ATL2: variants seen among roughly 807,000 people sequenced by gnomAD.
ATL2 encodes the protein atlastin-2.
In ATL2, 31 loss-of-function variants were observed where a neutral mutation model predicts 73.9. That is an observed-to-expected ratio of 0.42 (90% CI 0.32 to 0.57). The LOEUF (loss-of-function observed/expected upper bound fraction) is 0.57, where lower values mean the gene tolerates loss of function less well. Among genes scored for constraint, ATL2 ranks in the 20% least tolerant of loss-of-function variants. ATL2 has a pLI of 0.14. For synonymous variants in ATL2, 291 were observed against 237.5 expected (o/e 1.23, Z -2.07); for missense variants, 738 against 702.6 (o/e 1.05, Z -0.57).
intron 9 of ATL2, among the ~76,000 whole-genome samples, chr2:38,308,368 C>T (rs945309290): frequency 1.3e-5 from 2 of 152,186 alleles, no homozygotes; most frequent in African/African-American, 4.8e-5. Flanking sequence ...ACAAACTTCA[C>T]ATGTTCTCAC....
Position 38,348,768 on chromosome 2 carries a change from A to G in ATL2, c.119-5256T>C, listed in dbSNP as rs1459595727. Among the ~76,000 whole-genome samples, 14 of 152,014 alleles carry G rather than the reference A, an allele frequency of 9.2e-5. No homozygotes were observed. In the East Asian group the frequency reaches 2.7e-3, roughly 29 times the overall value. ...AAATGGGAGAAAATTTTCGCAACCT[A>G]CTCATCTGACAAAGGGCTAATATCC... On this transcript the variant is annotated intron_variant, in intron 1 of 12. Coordinates refer to ENST00000378954, the MANE Select transcript of ATL2 (RefSeq NM_001135673.4).
In ATL2 at chr2:38,296,565, G is replaced by A. The variant is rs1666905124; in HGVS notation, c.1633-452C>T. The A allele has an allele frequency of 1.9e-6, 3 of 1,614,050 alleles. No homozygotes were observed. The Admixed American group carries it at 5.0e-5, about 27-fold the overall frequency. Reference sequence around the variant, plus strand: ...AGCACGGTGAACCATTCGACGTCTAGTAACTTCAAACAGTTTGGAAAACAC... The same window carrying A: ...AGCACGGTGAACCATTCGACGTCTAATAACTTCAAACAGTTTGGAAAACAC... On this transcript the variant is annotated intron_variant, in intron 12 of 12. Transcript: ENST00000378954.
upstream of ATL2, chr2:38,377,334 G>A: frequency 7.3e-7 from 1 of 1,370,876 alleles, no homozygotes; most frequent in South Asian, 1.4e-5. Flanking sequence ...CCGGGAGCCG[G>A]CGGGGTGGCC....
chr2:38,349,223 C>T (rs570548092), intron 1 of ATL2, among the ~76,000 whole-genome samples: 6 of 152,140 alleles, frequency 3.9e-5, no homozygotes, highest in African/African-American at 7.2e-5. Flanking sequence ...CACATGCACA[C>T]GTATGTTCGT....
In ATL2 at chr2:38,294,404, C is replaced by T. The variant is rs529863138; in HGVS notation, c.*1590G>A. ...TCTACTTAAAATAGAAAACATTAGCCGGGAATGGTGGCACGCACCTGTAGT... is the reference window on the plus strand; with the variant it reads ...TCTACTTAAAATAGAAAACATTAGCTGGGAATGGTGGCACGCACCTGTAGT... On this transcript the variant is annotated 3_prime_UTR_variant, in exon 13 of 13. Transcript: ENST00000378954. Among the ~76,000 whole-genome samples, 19 of 152,222 alleles carry T rather than the reference C, an allele frequency of 1.2e-4. No individual in the cohort carries two copies. Among genetic ancestry groups the T allele is most frequent in the Admixed American group, 2.6e-4 (4 of 15,296 alleles).
Position 38,295,980 on chromosome 2 carries a change from G to C in ATL2, c.*14C>G. 6.6e-7 allele frequency: 1 copy of C among 1,524,248 alleles called. No individual in the cohort carries two copies. The highest frequency in any genetic ancestry group is 8.9e-7 in the Non-Finnish European group (1 of 1,125,024). 94.4% of individuals were successfully genotyped at this position (1,524,248 alleles called of 1,614,324 possible). ...GAAAAAAAAAGAGAGTGGAGTCCGT[G>C]AGGAGATGAACTGTCAGTCTGTCTT... On this transcript the variant is annotated 3_prime_UTR_variant, in exon 13 of 13. Transcript: ENST00000378954.
At chr2:38,333,273 A>C (rs1669108695) in intron 2 of ATL2, among the ~76,000 whole-genome samples, 1 of 152,206 alleles carries the variant, frequency 6.6e-6, no homozygotes, top group Admixed American at 6.5e-5. Context: ...TGGGCAACAG[A>C]GCGAGACGAT....
At chr2:38,357,253 A>T (rs2124455716) in intron 1 of ATL2, among the ~76,000 whole-genome samples, 1 of 152,196 alleles carries the variant, frequency 6.6e-6, no homozygotes, top group South Asian at 2.1e-4. Flanking sequence ...ACTTGAACCC[A>T]GGAGGCAGAG....
intron 9 of ATL2, among the ~76,000 whole-genome samples, chr2:38,300,971 C>CTTTTTTT (rs1325860466): frequency 7.0e-6 from 1 of 143,832 alleles, no homozygotes; most frequent in African/African-American, 2.9e-5. Context: ...TTCATCTCAA[C>CTTTTTTT]TTTCTTTTTT....
chr2:38,373,503 CATA>C, intron 1 of ATL2, among the ~76,000 whole-genome samples: 1 of 152,318 alleles, frequency 6.6e-6, no homozygotes, highest in Non-Finnish European at 1.5e-5. Context: ...ATCAAAAGTA[CATA>C]TTATCTCCTT....
intron 1 of ATL2, among the ~76,000 whole-genome samples, 198 bp from the exon 2 acceptor site, chr2:38,343,710 T>C (rs974850354): frequency 7.9e-5 from 12 of 152,114 alleles, no homozygotes; most frequent in African/African-American, 2.7e-4. Context: ...CTTGATATGG[T>C]TGGCTGTGTC....
intron 1 of ATL2, among the ~76,000 whole-genome samples, chr2:38,354,487 A>C (rs975997304): frequency 2.6e-5 from 4 of 152,220 alleles, no homozygotes; most frequent in Non-Finnish European, 4.4e-5. Flanking sequence ...TTTAAAGTGG[A>C]AAGTGGTAAA....
intron 1 of ATL2, among the ~76,000 whole-genome samples, chr2:38,346,122 C>G (rs996655157): frequency 2.0e-5 from 3 of 152,226 alleles, no homozygotes; most frequent in Admixed American, 2.0e-4. Flanking sequence ...CTGTCCTTGA[C>G]ATATAGAGAT....
chr2:38,377,832 A>C (rs1672078874), upstream of ATL2, among the ~76,000 whole-genome samples: 1 of 133,916 alleles, frequency 7.5e-6, no homozygotes, highest in Non-Finnish European at 1.5e-5. Flanking sequence ...TTCTTTCCTC[A>C]CCCAAGTCCC....
chr2:38,365,654 G>C (rs535772507), intron 1 of ATL2, among the ~76,000 whole-genome samples: 1 of 147,938 alleles, frequency 6.8e-6, no homozygotes, highest in East Asian at 1.9e-4. Flanking sequence ...AGCCAGGCGT[G>C]AGGGCGGGTA....
chr2:38,308,082 G>C (rs1178528600), intron 9 of ATL2, among the ~76,000 whole-genome samples: 1 of 152,150 alleles, frequency 6.6e-6, no homozygotes, highest in Non-Finnish European at 1.5e-5. Flanking sequence ...ACGACCATAT[G>C]ATCCAGCAAT....
At chr2:38,359,128 C>T (rs1670859422) in intron 1 of ATL2, among the ~76,000 whole-genome samples, 1 of 152,150 alleles carries the variant, frequency 6.6e-6, no homozygotes. Flanking sequence ...TTAGACTTGT[C>T]CCTTTCTAGC....
Position 38,357,433 on chromosome 2 carries a change from C to G in ATL2, c.119-13921G>C, listed in dbSNP as rs571332585. Among the ~76,000 whole-genome samples the G allele has an allele frequency of 2.7e-5, 4 of 150,790 alleles. No homozygotes were observed. In the South Asian group the frequency reaches 8.4e-4, roughly 32 times the overall value. On this transcript the variant is annotated intron_variant, in intron 1 of 12. Coordinates refer to ENST00000378954, the MANE Select transcript of ATL2 (RefSeq NM_001135673.4). ...ACCCTCAGTCAGAAATGTTTCCTAT[C>G]ACATTTGGGATTAAGGAAAAAAAAA...
chr2:38,334,302 T>C (rs879462820), intron 2 of ATL2, among the ~76,000 whole-genome samples: 2 of 150,500 alleles, frequency 1.3e-5, no homozygotes, highest in Admixed American at 6.6e-5. Flanking sequence ...AGTGCTGGGA[T>C]TACAGGCATG....
Sources: gnomAD v4.1 joint callset for allele counts (sites outside exome capture counted in the v4.1 genomes callset) on GRCh38, gnomAD v4.1.1 for gene constraint, MANE v1.5 for transcripts, NCBI Gene and HGNC (gene_info 2026-07-23, HGNC 2026-07-21) for gene names.